The following PTK2B variants were observed in gnomAD, a reference collection of about 807,000 sequenced individuals.
PTK2B encodes protein tyrosine kinase 2 beta.
Under a neutral mutation model 142.9 loss-of-function variants are expected in PTK2B, and 71 were observed. The ratio of observed to expected loss-of-function variants is 0.50; its 90% CI spans 0.41 to 0.61. The LOEUF is 0.61. PTK2B is among the 20% of genes least tolerant of loss of function. PTK2B has a pLI of 0.00. For missense variants in PTK2B, 1,105 were observed against 1,320.4 expected (o/e 0.84, Z 2.53); for synonymous variants, 519 against 503.4 (o/e 1.03, Z -0.42).
At chr8:27,452,140 T>C (rs62502452) in intron 27 of PTK2B, 28,535 of 152,418 alleles carry the variant, frequency 0.19, 2,724 homozygotes, top group Middle Eastern at 0.23. Context: ...CAGCTAATAA[T>C]TGGCAAAGTT....
intron 1 of PTK2B, among the ~76,000 whole-genome samples, chr8:27,373,295 A>G (rs1360972109): frequency 6.6e-6 from 1 of 152,156 alleles, no homozygotes; most frequent in Admixed American, 6.5e-5. Flanking sequence ...CTTACTCCCT[A>G]GTCCCCACAC....
chr8:27,450,551 C>T (rs541771733), intron 24 of PTK2B, among the ~76,000 whole-genome samples, 198 bp from the exon 25 acceptor site: 25 of 152,226 alleles, frequency 1.6e-4, no homozygotes, highest in Admixed American at 5.9e-4. Flanking sequence ...CACATTGCAA[C>T]GCAGATACAT....
chr8:27,385,950 A>C (rs1807327536), intron 1 of PTK2B, among the ~76,000 whole-genome samples: 1 of 151,318 alleles, frequency 6.6e-6, no homozygotes, highest in African/African-American at 2.4e-5. Flanking sequence ...GATGCATAGG[A>C]GAGAGGTCCA....
At chr8:27,320,050 G>A (rs2130610881) in intron 3 of PTK2B, among the ~76,000 whole-genome samples, 1 of 152,234 alleles carries the variant, frequency 6.6e-6, no homozygotes, top group South Asian at 2.1e-4. Context: ...TGGGAGGAGT[G>A]CGCATTGGGG....
chr8:27,437,112 C>T lies in PTK2B; in HGVS notation c.1342-10C>T. On this transcript the variant is annotated splice_polypyrimidine_tract_variant and intron_variant, in intron 15 of 30. Transcript: ENST00000346049. ...TGGACCAAGGGGTCCTGAACACACT[C>T]TTGTTACAGAAAGGGGAGAAAATCA... 9.3e-6 allele frequency: 15 copies of T among 1,612,052 alleles called. No individual in the cohort carries two copies. Among genetic ancestry groups the T allele is most frequent in the Non-Finnish European group, 1.3e-5 (15 of 1,178,126 alleles).
Position 27,430,981 on chromosome 8 carries a change from A to T in PTK2B, c.775A>T (p.Asn259Tyr). 2 of 1,614,144 alleles carry T rather than the reference A, an allele frequency of 1.2e-6. No homozygotes were observed. Among genetic ancestry groups the T allele is most frequent in the South Asian group, 2.2e-5 (2 of 91,080 alleles). Reference sequence around the variant, plus strand: ...CTTCAACACTCTCGCCGGCTTCGCCAACATCGACCAGGAGACCTACCGCTG... The same window carrying T: ...CTTCAACACTCTCGCCGGCTTCGCCTACATCGACCAGGAGACCTACCGCTG... ...KFFNTLAGFA[N>Y]IDQETYRCEL... is the part of the protein sequence containing the mutation. Residue 259 changes from asparagine (N) to tyrosine (Y), a missense_variant, in exon 8 of 31, where the codon AAC (asparagine) becomes TAC (tyrosine). Coordinates refer to ENST00000346049, the MANE Select transcript of PTK2B (RefSeq NM_173176.3).
intron 10 of PTK2B, among the ~76,000 whole-genome samples, chr8:27,432,865 C>T (rs1234258677): frequency 1.3e-5 from 2 of 152,070 alleles, no homozygotes; most frequent in Non-Finnish European, 2.9e-5. Context: ...CTCACTCTGT[C>T]ACCCAGGCTA....
rs578167838 is a variant in PTK2B, at chr8:27,431,538, C to G, written c.885+66C>G. The G allele has an allele frequency of 6.9e-6, 11 of 1,590,274 alleles. No homozygotes were observed. In the South Asian group the frequency reaches 1.1e-4, roughly 16 times the overall value. On this transcript the variant is annotated intron_variant, in intron 9 of 30. Coordinates refer to ENST00000346049, the MANE Select transcript of PTK2B (RefSeq NM_173176.3). ...GAGGTCGTCCCCTCTCTGCTGCCTC[C>G]CGCCCTGTCTGCCCCTTCAGTTCTT...
At chr8:27,371,471 G>T (rs941364042) in intron 1 of PTK2B, among the ~76,000 whole-genome samples, 1 of 151,854 alleles carries the variant, frequency 6.6e-6, no homozygotes, top group African/African-American at 2.4e-5. Flanking sequence ...ACCTTGGGCT[G>T]GTTATTTATT....
intron 3 of PTK2B, 45 bp from the exon 4 acceptor site, chr8:27,420,612 C>G: frequency 1.3e-6 from 2 of 1,569,998 alleles, no homozygotes; most frequent in Non-Finnish European, 1.8e-6. Context: ...TTTCTTCAGG[C>G]ACCAGCTTCT....
chr8:27,395,873 G>A (rs374215485), intron 1 of PTK2B, among the ~76,000 whole-genome samples: 42 of 152,294 alleles, frequency 2.8e-4, no homozygotes, highest in African/African-American at 9.9e-4. Flanking sequence ...TTGAAGGTCA[G>A]GGGATCCGGG....
In PTK2B at chr8:27,345,022, A is replaced by G. The variant is rs568725308; in HGVS notation, c.-38+19341A>G. Among the ~76,000 whole-genome samples the G allele has an allele frequency of 4.6e-5, 7 of 152,272 alleles. No individual in the cohort carries two copies. The East Asian group carries it at 1.4e-3, about 29-fold the overall frequency. On this transcript the variant is annotated intron_variant, in intron 1 of 30. Coordinates refer to ENST00000346049, the MANE Select transcript of PTK2B (RefSeq NM_173176.3). Reference sequence around the variant, plus strand: ...TACTAAAAATATAAAAATTAGCCAGACATGGTGGTGGGCACCTGTAATCCC... The same window carrying G: ...TACTAAAAATATAAAAATTAGCCAGGCATGGTGGTGGGCACCTGTAATCCC...
At chr8:27,407,805 C>A (rs1318034090) in intron 2 of PTK2B, among the ~76,000 whole-genome samples, 1 of 152,122 alleles carries the variant, frequency 6.6e-6, no homozygotes, top group Non-Finnish European at 1.5e-5. Context: ...GTTCATCCTT[C>A]CCCCCTTACC....
chr8:27,356,974 C>G (rs1268434506), intron 1 of PTK2B, among the ~76,000 whole-genome samples: 1 of 152,128 alleles, frequency 6.6e-6, no homozygotes, highest in Non-Finnish European at 1.5e-5. Flanking sequence ...AGTTCTGTAT[C>G]TTGACTGTGG....
At chr8:27,385,606 A>G (rs1352054935) in intron 1 of PTK2B, among the ~76,000 whole-genome samples, 1 of 152,088 alleles carries the variant, frequency 6.6e-6, no homozygotes, top group Non-Finnish European at 1.5e-5. Context: ...ATAAAACTGT[A>G]TCAGGGCCGG....
At chr8:27,433,603 C>G (rs375666216) in intron 11 of PTK2B, 51 bp downstream of exon 11, 5 of 1,483,190 alleles carry the variant, frequency 3.4e-6, no homozygotes, top group African/African-American at 2.8e-5. Context: ...GCAGCACACC[C>G]GAGTCCCCAG....
intron 1 of PTK2B, among the ~76,000 whole-genome samples, chr8:27,357,210 A>ATG (rs1805441014): frequency 6.6e-6 from 1 of 152,256 alleles, no homozygotes; most frequent in African/African-American, 2.4e-5. Flanking sequence ...TCAGGACTCT[A>ATG]TGTGCTATTT....
At chr8:27,327,950 C>T (rs188669590) in intron 1 of PTK2B, among the ~76,000 whole-genome samples, 1 of 152,360 alleles carries the variant, frequency 6.6e-6, no homozygotes, top group East Asian at 1.9e-4. Flanking sequence ...AGCAAAGCAA[C>T]AGCCACAGAG....
Position 27,437,960 on chromosome 8 carries a change from T to C in PTK2B, c.1643+80T>C. 4 of 1,256,768 alleles carry C rather than the reference T, an allele frequency of 3.2e-6. No homozygotes were observed. In the East Asian group the frequency reaches 9.9e-5, roughly 31 times the overall value. 77.9% of individuals were successfully genotyped at this position (1,256,768 alleles called of 1,614,324 possible). On this transcript the variant is annotated intron_variant, in intron 18 of 30. Transcript: ENST00000346049. ...CAAGGCCTCTGGGTAGAAGCAGGGC[T>C]TGTGGGTGACACAGAGCAGTGTTGG...
Sources: allele counts gnomAD v4.1 joint callset (sites outside exome capture counted in the v4.1 genomes callset), GRCh38; gene constraint gnomAD v4.1.1; transcripts MANE v1.5; gene names NCBI Gene and HGNC (gene_info 2026-07-23, HGNC 2026-07-21).